The following CSMD2 variants were observed in gnomAD, a reference collection of about 807,000 sequenced individuals.
The protein encoded by CSMD2 is CUB and sushi domain-containing protein 2.
A neutral mutation model predicts 398.5 loss-of-function variants in CSMD2; 130 were observed. That is an observed-to-expected ratio of 0.33 (90% CI 0.28 to 0.38). CSMD2 has a LOEUF of 0.38. CSMD2 is among the 10% of genes least tolerant of loss of function. CSMD2 has a pLI of 1.00. For missense variants in CSMD2, 3,829 were observed against 4,764.9 expected (o/e 0.80, Z 5.78); for synonymous variants, 1,828 against 1,908.5 (o/e 0.96, Z 1.10).
chr1:34,082,016 A>C (rs1157001168), intron 2 of CSMD2, among the ~76,000 whole-genome samples: 50 of 106,084 alleles, frequency 4.7e-4, no homozygotes, highest in Middle Eastern at 6.8e-3. Context: ...CCAGCCGCCC[A>C]GTCTGGGAAG....
intron 13 of CSMD2, among the ~76,000 whole-genome samples, chr1:33,767,809 T>A (rs1192705293): frequency 3.9e-5 from 6 of 152,192 alleles, no homozygotes; most frequent in African/African-American, 1.4e-4. Context: ...CGGCCAGCAG[T>A]TTGCTTCTAT....
At chr1:34,151,743 G>A (rs1309825341) in intron 1 of CSMD2, among the ~76,000 whole-genome samples, 1 of 151,972 alleles carries the variant, frequency 6.6e-6, no homozygotes, top group Non-Finnish European at 1.5e-5. Context: ...GCCCAAGTAG[G>A]TAGACTTTCT....
intron 5 of CSMD2, among the ~76,000 whole-genome samples, chr1:33,850,343 CA>C (rs1638617610): frequency 6.6e-6 from 1 of 152,186 alleles, no homozygotes; most frequent in Admixed American, 6.5e-5. Flanking sequence ...TGCCTTTTCT[CA>C]CTGTACCACC....
At chr1:34,141,953 A>G (rs1246732153) in intron 1 of CSMD2, among the ~76,000 whole-genome samples, 1 of 152,082 alleles carries the variant, frequency 6.6e-6, no homozygotes, top group Admixed American at 6.6e-5. Flanking sequence ...TGGGGAGAGA[A>G]GGAAAGGGAG....
chr1:33,718,794 G>C (rs1032816423), intron 19 of CSMD2, among the ~76,000 whole-genome samples: 3 of 152,232 alleles, frequency 2.0e-5, no homozygotes, highest in Non-Finnish European at 4.4e-5. Flanking sequence ...TAATGCTAAA[G>C]CATTTTAAAG....
At chr1:34,162,813 C>T (rs1322353550) in intron 1 of CSMD2, among the ~76,000 whole-genome samples, 1 of 151,894 alleles carries the variant, frequency 6.6e-6, no homozygotes, top group Non-Finnish European at 1.5e-5. Flanking sequence ...GAGCTGAGAC[C>T]GCGCCATTGC....
chr1:33,778,654 A>T (rs1379133117), intron 12 of CSMD2, among the ~76,000 whole-genome samples: 1 of 152,188 alleles, frequency 6.6e-6, no homozygotes, highest in Non-Finnish European at 1.5e-5. Context: ...CAAATGCCAC[A>T]CTAAGCACTA....
At chr1:33,700,355 C>T (rs1645570587) in intron 23 of CSMD2, among the ~76,000 whole-genome samples, 162 bp downstream of exon 23, 1 of 152,162 alleles carries the variant, frequency 6.6e-6, no homozygotes, top group African/African-American at 2.4e-5. Context: ...ATGAACATAT[C>T]ACATTTTGTT....
intron 3 of CSMD2, among the ~76,000 whole-genome samples, chr1:34,010,538 G>A (rs1427404211): frequency 1.3e-5 from 2 of 152,134 alleles, no homozygotes; most frequent in African/African-American, 4.8e-5. Context: ...GTCACAAAGG[G>A]TGTAACCAAT....
At chr1:33,864,681 T>C (rs546766243) in intron 5 of CSMD2, 12 of 1,613,630 alleles carry the variant, frequency 7.4e-6, no homozygotes, top group Middle Eastern at 1.7e-4. Context: ...CCGTAAACAA[T>C]GTAATGCCAG....
intron 25 of CSMD2, among the ~76,000 whole-genome samples, chr1:33,677,715 C>T (rs1644764585): frequency 6.6e-6 from 1 of 151,886 alleles, no homozygotes; most frequent in Admixed American, 6.6e-5. Flanking sequence ...ACCCAGATGT[C>T]CAACAATGAT....
At chr1:33,734,134 T>C (rs1202168804) in intron 15 of CSMD2, among the ~76,000 whole-genome samples, 1 of 152,206 alleles carries the variant, frequency 6.6e-6, no homozygotes, top group Non-Finnish European at 1.5e-5. Context: ...CTTAGATTTC[T>C]TTGTGGTCAT....
chr1:33,708,617 T>TATTATTATTATTATTATTATTA (rs1553180016), intron 22 of CSMD2, among the ~76,000 whole-genome samples: 3 of 150,246 alleles, frequency 2.0e-5, no homozygotes, highest in Non-Finnish European at 4.4e-5. Context: ...TTATTATTAT[T>TATTATTATTATTATTATTATTA]TTGAGACAGG....
intron 29 of CSMD2, among the ~76,000 whole-genome samples, chr1:33,640,848 C>G (rs1643064852): frequency 6.6e-6 from 1 of 152,158 alleles, no homozygotes; most frequent in Admixed American, 6.6e-5. Flanking sequence ...TGACCCATAA[C>G]AGCAGCAGGT....
chr1:34,103,722 C>T (rs1660252367), intron 1 of CSMD2, among the ~76,000 whole-genome samples: 1 of 151,322 alleles, frequency 6.6e-6, no homozygotes. Flanking sequence ...TAGGTTGGTG[C>T]AAAGGTAATT....
chr1:33,982,223 G>A (rs777328250), intron 3 of CSMD2, among the ~76,000 whole-genome samples: 18 of 152,088 alleles, frequency 1.2e-4, no homozygotes, highest in Admixed American at 3.9e-4. Context: ...ATGAACAGAC[G>A]TTCCATCCTC....
intron 2 of CSMD2, among the ~76,000 whole-genome samples, chr1:34,069,782 A>C (rs1655516060): frequency 6.6e-6 from 1 of 152,226 alleles, no homozygotes; most frequent in Non-Finnish European, 1.5e-5. Context: ...AGGAGGGGAA[A>C]GGGGACCTTT....
chr1:33,803,288 T>C (rs879448650), intron 10 of CSMD2, among the ~76,000 whole-genome samples: 3 of 152,208 alleles, frequency 2.0e-5, no homozygotes, highest in Non-Finnish European at 4.4e-5. Flanking sequence ...ATGTTGTCCA[T>C]TCCTTAAGCT....
chr1:33,872,572 G>A (rs1415109601), intron 5 of CSMD2, among the ~76,000 whole-genome samples: 1 of 152,130 alleles, frequency 6.6e-6, no homozygotes. Flanking sequence ...AAGAGGCTCA[G>A]GTTGAAAAGT....
Sources: gnomAD v4.1 joint callset for allele counts (sites outside exome capture counted in the v4.1 genomes callset) on GRCh38, gnomAD v4.1.1 for gene constraint, MANE v1.5 for transcripts, NCBI Gene and HGNC (gene_info 2026-07-23, HGNC 2026-07-21) for gene names.